Variants in GOLGA1 observed in about 807,000 individuals in gnomAD.
GOLGA1 encodes golgin subfamily A member 1.
A neutral mutation model predicts 119.7 loss-of-function variants in GOLGA1; 63 were observed. The ratio of observed to expected loss-of-function variants is 0.53; its 90% CI spans 0.43 to 0.65. The LOEUF (loss-of-function observed/expected upper bound fraction) is 0.65. GOLGA1 is among the 30% of genes least tolerant of loss of function. The probability of loss-of-function intolerance (pLI) is 0.00; values close to 1 mark genes in which losing one functional copy is unlikely to be tolerated. For missense variants in GOLGA1, 798 were observed against 912.8 expected (o/e 0.87, Z 1.62); for synonymous variants, 318 against 333.4 (o/e 0.95, Z 0.50).
At position 124,928,301 on chromosome 9, in the gene GOLGA1, C is replaced by T. The variant is rs779991272; in HGVS notation, c.302-16G>A. 2.8e-6 allele frequency: 4 copies of T among 1,412,336 alleles called. No individual in the cohort carries two copies. Among genetic ancestry groups the T allele is most frequent in the Non-Finnish European group, 3.0e-6 (3 of 999,826 alleles). The allele number at this position is 1,412,336 out of a possible 1,614,324, so 87.5% of individuals were successfully genotyped here. A position where few individuals can be genotyped will look rare whatever the true frequency, so the allele number is the denominator to read the frequency against. On this transcript the variant is annotated splice_polypyrimidine_tract_variant and intron_variant, in intron 5 of 22. Coordinates refer to ENST00000373555, the MANE Select transcript of GOLGA1 (RefSeq NM_002077.4). The stretch of plus-strand genomic sequence containing the variant: ...CGCATGGAAGCTGTTAACAAAGAGG[C>T]TCTATTTGAGATATGAAAACACTTC...
intron 10 of GOLGA1, among the ~76,000 whole-genome samples, chr9:124,919,905 T>A (rs368609305): frequency 2.0e-5 from 3 of 152,112 alleles, no homozygotes; most frequent in African/African-American, 7.2e-5. Flanking sequence ...TAATAAATTA[T>A]GTCATTGGGA....
At position 124,899,398 on chromosome 9, in the gene GOLGA1, C is replaced by T. The variant is rs944893303; in HGVS notation, c.1242G>A (p.Ala414=). The change falls in exon 14 of 23, where the codon GCG becomes GCA. Residue 414 remains alanine (A), a synonymous_variant. Transcript: ENST00000373555. ...CCAGGGCCACTATCTGGGCTTCTAG[C>T]GCCTGGGTGCGCTCCAAGAACTGCT... ...LEQQFLERTQ[A]LEAQIVALER... 2.5e-5 allele frequency: 38 copies of T among 1,548,774 alleles called. No homozygotes were observed. Among genetic ancestry groups the T allele is most frequent in the Admixed American group, 7.8e-5 (4 of 51,034 alleles).
intron 10 of GOLGA1, among the ~76,000 whole-genome samples, chr9:124,914,827 G>C (rs144794489): frequency 3.0e-4 from 46 of 152,302 alleles, no homozygotes; most frequent in African/African-American, 1.1e-3. Context: ...GAATTCAAGA[G>C]GTATAGATGA....
chr9:124,897,405 C>T (rs1426725175), intron 15 of GOLGA1, among the ~76,000 whole-genome samples: 1 of 152,164 alleles, frequency 6.6e-6, no homozygotes, highest in Non-Finnish European at 1.5e-5. Flanking sequence ...AGTGCAGTGG[C>T]ATGATCTTGG....
At chr9:124,922,061 C>T (rs1830580874) in intron 8 of GOLGA1, among the ~76,000 whole-genome samples, 169 bp from the exon 9 acceptor site, 2 of 151,848 alleles carry the variant, frequency 1.3e-5, no homozygotes, top group Admixed American at 1.3e-4. Context: ...AACCCTATCT[C>T]TACTAAAAAT....
At chr9:124,894,231 G>A (rs1052103237) in intron 15 of GOLGA1, among the ~76,000 whole-genome samples, 1 of 152,156 alleles carries the variant, frequency 6.6e-6, no homozygotes, top group Non-Finnish European at 1.5e-5. Context: ...CGTCTTCTCT[G>A]TCGGCCCCTC....
At chr9:124,944,502 A>G (rs1385371012), upstream of GOLGA1, 3 of 92,962 alleles carry the variant, frequency 3.2e-5, no homozygotes, top group Non-Finnish European at 6.0e-5. Flanking sequence ...GTATTTTAGT[A>G]GCGACAGGGT....
intron 5 of GOLGA1, among the ~76,000 whole-genome samples, 159 bp downstream of exon 5, chr9:124,929,057 A>T (rs1484273901): frequency 6.6e-6 from 1 of 152,232 alleles, no homozygotes; most frequent in African/African-American, 2.4e-5. Context: ...GCATACTTAT[A>T]AATATCATCC....
At chr9:124,915,972 T>C (rs1274424219) in intron 10 of GOLGA1, among the ~76,000 whole-genome samples, 2 of 151,206 alleles carry the variant, frequency 1.3e-5, no homozygotes, top group South Asian at 2.1e-4. Flanking sequence ...CATGGTGGCA[T>C]GTGCCTATAG....
In GOLGA1 at chr9:124,881,363, G is replaced by T; in HGVS notation, c.2137-106C>A. On this transcript the variant is annotated intron_variant, in intron 21 of 22. Coordinates refer to ENST00000373555, the MANE Select transcript of GOLGA1 (RefSeq NM_002077.4). This position sits in a 1 kb window ranked among gnomAD's most constrained non-coding sequence, Gnocchi z 4.9. ...CTGCTTGCTTTGGTTAGCAGGACCA[G>T]GTGGTGGGTGACGCTCTGGCACTCT... is the stretch of plus-strand genomic sequence containing the variant. 1.3e-6 allele frequency: 1 copy of T among 753,530 alleles called. No individual in the cohort carries two copies. Among genetic ancestry groups the T allele is most frequent in the Non-Finnish European group, 2.5e-6 (1 of 407,512 alleles). 46.7% of individuals were successfully genotyped at this position (753,530 alleles called of 1,614,324 possible). A position where few individuals can be genotyped will look rare whatever the true frequency, so the allele number is the denominator to read the frequency against.
chr9:124,888,128 G>A lies in GOLGA1; in HGVS notation c.1905+125C>T. On this transcript the variant is annotated intron_variant, in intron 19 of 22. Transcript: ENST00000373555. The surrounding 1 kb of genome is among the most constrained non-coding windows in gnomAD (Gnocchi z 4.4). Reference sequence around the variant, plus strand: ...TCAGGAGGAAGGCCTTTGGGTGAGAGGGGTCATGGTTGCCAGGAGGTGCGG... The same window carrying A: ...TCAGGAGGAAGGCCTTTGGGTGAGAAGGGTCATGGTTGCCAGGAGGTGCGG... 2 of 820,148 alleles carry A rather than the reference G, an allele frequency of 2.4e-6. No individual in the cohort carries two copies. The highest frequency in any genetic ancestry group is 1.5e-5 in the South Asian group (1 of 65,340). The allele number at this position is 820,148 out of a possible 1,614,324, so 50.8% of individuals were successfully genotyped here. A position where few individuals can be genotyped will look rare whatever the true frequency, so the allele number is the denominator to read the frequency against.
At chr9:124,911,785 C>T in intron 11 of GOLGA1, 116 bp downstream of exon 11, 2 of 894,268 alleles carry the variant, frequency 2.2e-6, no homozygotes, top group Non-Finnish European at 3.5e-6. Context: ...GGAGACACTT[C>T]TTTTGTTACC....
In GOLGA1 at chr9:124,888,729, C is replaced by A. The variant is rs1299898372; in HGVS notation, c.1762-333G>T. 1.3e-5 allele frequency among the ~76,000 whole-genome samples: 2 copies of A among 152,148 alleles called. No individual in the cohort carries two copies. Among genetic ancestry groups the A allele is most frequent in the African/African-American group, 4.8e-5 (2 of 41,412 alleles). On this transcript the variant is annotated intron_variant, in intron 18 of 22. Coordinates refer to ENST00000373555, the MANE Select transcript of GOLGA1 (RefSeq NM_002077.4). This position sits in a 1 kb window ranked among gnomAD's most constrained non-coding sequence, Gnocchi z 4.4. ...ATTTATTTATTTATTGAGACGGAGT[C>A]TTGCTCTGTCACCCAGGCTGGAGTG...
chr9:124,897,764 GCTA>G (rs1830012477), intron 15 of GOLGA1, among the ~76,000 whole-genome samples: 1 of 152,154 alleles, frequency 6.6e-6, no homozygotes, highest in African/African-American at 2.4e-5. Flanking sequence ...ATGATGCAAT[GCTA>G]CTACATTAGT....
intron 20 of GOLGA1, 67 bp from the exon 21 acceptor site, chr9:124,882,021 G>A: frequency 1.7e-6 from 2 of 1,170,220 alleles, no homozygotes; most frequent in Non-Finnish European, 2.4e-6. Flanking sequence ...TCACACGGGA[G>A]GTTCACCTGG....
chr9:124,925,318 C>T (rs1324353015), intron 7 of GOLGA1, among the ~76,000 whole-genome samples: 1 of 149,654 alleles, frequency 6.7e-6, no homozygotes, highest in Non-Finnish European at 1.5e-5. Flanking sequence ...ACCCATATCT[C>T]CATATTTAAG....
chr9:124,917,954 G>A (rs1830486225), intron 10 of GOLGA1, among the ~76,000 whole-genome samples: 1 of 152,104 alleles, frequency 6.6e-6, no homozygotes, highest in African/African-American at 2.4e-5. Context: ...CTGGGTTCAA[G>A]CGATTCTCCT....
upstream of GOLGA1, among the ~76,000 whole-genome samples, chr9:124,941,551 A>C (rs1292106992): frequency 6.6e-6 from 1 of 152,146 alleles, no homozygotes; most frequent in Non-Finnish European, 1.5e-5. Context: ...AGCTTCACTC[A>C]CAAGCCAGTA....
At chr9:124,937,938 C>A (rs1240338072) in intron 3 of GOLGA1, among the ~76,000 whole-genome samples, 1 of 151,846 alleles carries the variant, frequency 6.6e-6, no homozygotes, top group Non-Finnish European at 1.5e-5. Flanking sequence ...AAAAAATTAG[C>A]CAGGCATGGT....
Sources: gnomAD v4.1 joint callset for allele counts (sites outside exome capture counted in the v4.1 genomes callset) on GRCh38, gnomAD v4.1.1 for gene constraint, Gnocchi (gnomAD v3.1) non-coding constraint, MANE v1.5 for transcripts, NCBI Gene and HGNC (gene_info 2026-07-23, HGNC 2026-07-21) for gene names.